ATP8A2: variants seen among roughly 807,000 people sequenced by gnomAD.
The protein encoded by ATP8A2 is phospholipid-transporting ATPase IB.
ATP8A2 carries 100 observed loss-of-function variants against 165.6 expected under a neutral mutation model. The ratio of observed to expected loss-of-function variants is 0.60; its 90% CI spans 0.51 to 0.71. ATP8A2 has a LOEUF of 0.71. Ranked by LOEUF, ATP8A2 falls within the 30% of genes least tolerant of loss-of-function variation. The probability of loss-of-function intolerance (pLI) is 0.00; values close to 1 mark genes in which losing one functional copy is unlikely to be tolerated. For synonymous variants in ATP8A2, 543 were observed against 548.8 expected, an observed-to-expected ratio of 0.99 and a Z score of 0.15; for missense variants, 1,227 against 1,479.5, an observed-to-expected ratio of 0.83 and a Z score of 2.80.
rs71080210 is a variant in ATP8A2 at position 25,888,068 on chromosome 13, A to ACCCCCCCCC, written c.3183+25662_3183+25670dup. ...AGGAGGCAGAAAGGAAAGAACCCAGACCCCCCCCCCGCCCCACCCCCAGAG... is the reference window on the plus strand; with the variant it reads ...AGGAGGCAGAAAGGAAAGAACCCAGACCCCCCCCCCCCCCCCCCCGCCCCACCCCCAGAG... On this transcript the variant is annotated intron_variant, in intron 33 of 36. Coordinates refer to ENST00000381655, the MANE Select transcript of ATP8A2 (RefSeq NM_016529.6). Among the ~76,000 whole-genome samples, 55 of 105,664 alleles carry ACCCCCCCCC rather than the reference A, an allele frequency of 5.2e-4. 1 individual carries two copies. Among genetic ancestry groups the ACCCCCCCCC allele is most frequent in the Non-Finnish European group, 8.2e-4 (42 of 50,956 alleles). The allele number at this position is 105,664 out of a possible 152,430, so 69.3% of individuals were successfully genotyped here.
At chr13:25,651,015 A>T (rs2041799019) in intron 24 of ATP8A2, among the ~76,000 whole-genome samples, 1 of 152,176 alleles carries the variant, frequency 6.6e-6, no homozygotes, top group Non-Finnish European at 1.5e-5. Context: ...TGAGTTAGGG[A>T]AGCTTTCCCT....
chr13:25,978,319 G>T (rs907905338), intron 35 of ATP8A2, among the ~76,000 whole-genome samples: 1 of 152,098 alleles, frequency 6.6e-6, no homozygotes, highest in Admixed American at 6.5e-5. Flanking sequence ...TTTCTCCTGC[G>T]TTATCAGTGA....
intron 16 of ATP8A2, among the ~76,000 whole-genome samples, chr13:25,566,621 G>T (rs1420640775): frequency 6.6e-6 from 1 of 152,156 alleles, no homozygotes; most frequent in Non-Finnish European, 1.5e-5. Flanking sequence ...GGAGAAAGTA[G>T]CAAAGGAAAT....
chr13:25,682,419 A>G (rs927968571), intron 24 of ATP8A2, among the ~76,000 whole-genome samples: 1 of 152,148 alleles, frequency 6.6e-6, no homozygotes, highest in Non-Finnish European at 1.5e-5. Context: ...GCTCCCCGGC[A>G]GCTGTTTTTC....
At chr13:25,688,363 G>A (rs918931013) in intron 24 of ATP8A2, among the ~76,000 whole-genome samples, 3 of 152,254 alleles carry the variant, frequency 2.0e-5, no homozygotes, top group East Asian at 1.9e-4. Flanking sequence ...AGTTCGTTAC[G>A]GGTTCTACAC....
intron 30 of ATP8A2, among the ~76,000 whole-genome samples, chr13:25,840,391 T>G (rs1951724527): frequency 6.6e-6 from 1 of 152,210 alleles, no homozygotes; most frequent in Non-Finnish European, 1.5e-5. Flanking sequence ...CCAAGCGTCT[T>G]TGTTTCTGTG....
intron 35 of ATP8A2, among the ~76,000 whole-genome samples, chr13:25,988,539 T>C (rs1043123315): frequency 1.2e-4 from 14 of 118,188 alleles, no homozygotes; most frequent in Non-Finnish European, 1.7e-4. Flanking sequence ...ACTTAATTGC[T>C]AATACTGCCT....
rs367863460 is a variant in ATP8A2 at position 25,974,090 on chromosome 13, C to T, written c.3377+5411C>T. Among the ~76,000 whole-genome samples the T allele has an allele frequency of 3.9e-5, 6 of 152,176 alleles. No homozygotes were observed. In the East Asian group the frequency reaches 7.7e-4, roughly 20 times the overall value. The stretch of plus-strand genomic sequence containing the variant: ...TCAGCTCTGTCATGAAGCAGAGAAG[C>T]GAGTGCAGACGGCGGAGACAGATGA... On this transcript the variant is annotated intron_variant, in intron 35 of 36. Transcript: ENST00000381655.
At chr13:25,430,995 AACACACAC>A (rs543580202) in intron 1 of ATP8A2, among the ~76,000 whole-genome samples, 1 of 151,096 alleles carries the variant, frequency 6.6e-6, no homozygotes, top group Admixed American at 6.6e-5. Flanking sequence ...TCCTTCCTAA[AACACACAC>A]ACACACACAT....
intron 1 of ATP8A2, among the ~76,000 whole-genome samples, chr13:25,460,162 T>C (rs1248610761): frequency 6.6e-6 from 1 of 152,026 alleles, no homozygotes; most frequent in African/African-American, 2.4e-5. Flanking sequence ...GATTGCGCCA[T>C]TGCACTCCAG....
intron 27 of ATP8A2, among the ~76,000 whole-genome samples, chr13:25,785,753 G>A (rs2045008012): frequency 6.6e-6 from 1 of 152,184 alleles, no homozygotes; most frequent in Admixed American, 6.5e-5. Context: ...GTGATAGAAA[G>A]CCCAAGATCA....
At chr13:25,523,302 C>A (rs1024082341) in intron 2 of ATP8A2, among the ~76,000 whole-genome samples, 3 of 130,488 alleles carry the variant, frequency 2.3e-5, no homozygotes, top group South Asian at 2.4e-4. Context: ...GTCAGAGTTT[C>A]ACTCTCATTG....
At chr13:26,005,943 G>C (rs1328433294) in intron 35 of ATP8A2, among the ~76,000 whole-genome samples, 1 of 151,928 alleles carries the variant, frequency 6.6e-6, no homozygotes, top group African/African-American at 2.4e-5. Flanking sequence ...GTATGTGTGA[G>C]TTCTATGACT....
chr13:25,755,142 T>C (rs1050623491), intron 25 of ATP8A2, among the ~76,000 whole-genome samples: 7 of 152,200 alleles, frequency 4.6e-5, no homozygotes, highest in African/African-American at 1.7e-4. Flanking sequence ...TGTAATTTAT[T>C]CTTGTGAACA....
intron 27 of ATP8A2, among the ~76,000 whole-genome samples, chr13:25,813,537 C>T (rs544269590): frequency 2.2e-4 from 20 of 89,496 alleles, no homozygotes; most frequent in South Asian, 3.4e-4. Flanking sequence ...TATGATGATA[C>T]GGTATATGAT....
At chr13:25,623,606 A>G (rs2041027938) in intron 24 of ATP8A2, among the ~76,000 whole-genome samples, 1 of 152,194 alleles carries the variant, frequency 6.6e-6, no homozygotes, top group Admixed American at 6.5e-5. Flanking sequence ...CTAATTTATC[A>G]GTCTCATTTT....
intron 33 of ATP8A2, among the ~76,000 whole-genome samples, chr13:25,878,022 G>A (rs1343467266): frequency 6.6e-6 from 1 of 152,154 alleles, no homozygotes; most frequent in African/African-American, 2.4e-5. Context: ...TAAACAAAAT[G>A]TTATCAGTTT....
chr13:25,917,891 G>A (rs141342329), intron 33 of ATP8A2, among the ~76,000 whole-genome samples: 1,777 of 152,192 alleles, frequency 0.012, 37 homozygotes, highest in African/African-American at 0.041. Context: ...TCACAGCCAT[G>A]GACTGCAGAA....
At chr13:26,002,045 G>T (rs1430140195) in intron 35 of ATP8A2, among the ~76,000 whole-genome samples, 1 of 152,034 alleles carries the variant, frequency 6.6e-6, no homozygotes, top group Non-Finnish European at 1.5e-5. Context: ...AGCCTCTGGG[G>T]TACAAAGTTA....
Sources: gnomAD v4.1 joint callset for allele counts (sites outside exome capture counted in the v4.1 genomes callset) on GRCh38, gnomAD v4.1.1 for gene constraint, MANE v1.5 for transcripts, NCBI Gene and HGNC (gene_info 2026-07-23, HGNC 2026-07-21) for gene names.